PDE1C: variants seen among roughly 807,000 people sequenced by gnomAD.
PDE1C encodes the protein dual specificity calcium/calmodulin-dependent 3',5'-cyclic nucleotide phosphodiesterase 1C.
Under a neutral mutation model 93.1 loss-of-function variants are expected in PDE1C, and 62 were observed. The observed-to-expected ratio is 0.67, with a 90% CI of 0.54 to 0.82. The LOEUF (loss-of-function observed/expected upper bound fraction) is 0.82, where lower values mean the gene tolerates loss of function less well. Ranked by LOEUF, PDE1C falls within the 40% of genes least tolerant of loss-of-function variation. The pLI is 0.00. For missense variants in PDE1C, 742 were observed against 884.6 expected, an observed-to-expected ratio of 0.84 and a Z score of 2.04; for synonymous variants, 325 against 310.1, an observed-to-expected ratio of 1.05 and a Z score of -0.50.
At chr7:31,830,075 C>T (rs1790186456) in intron 11 of PDE1C, among the ~76,000 whole-genome samples, 1 of 152,060 alleles carries the variant, frequency 6.6e-6, no homozygotes, top group Non-Finnish European at 1.5e-5. Flanking sequence ...CTTGTCTATA[C>T]CCAAATATAC....
intron 2 of PDE1C, among the ~76,000 whole-genome samples, chr7:31,983,739 C>T (rs566034672): frequency 1.1e-4 from 17 of 152,320 alleles, no homozygotes; most frequent in African/African-American, 3.8e-4. Context: ...TTTCATGCAA[C>T]ATGAGCATTA....
the PDE1C span, among the ~76,000 whole-genome samples, chr7:31,634,876 C>G: frequency 1.9e-4 from 29 of 152,244 alleles, no homozygotes; most frequent in African/African-American, 7.0e-4. Context: ...GTGGCTCCTT[C>G]GGCATATTGA....
At chr7:32,264,139 C>T (rs779457568) in intron 1 of PDE1C, among the ~76,000 whole-genome samples, 6 of 152,144 alleles carry the variant, frequency 3.9e-5, no homozygotes, top group Non-Finnish European at 8.8e-5. Flanking sequence ...CTCTACAGGT[C>T]ACTAGGGTGC....
At chr7:32,248,607 G>A (rs1293835356) in intron 1 of PDE1C, among the ~76,000 whole-genome samples, 1 of 152,196 alleles carries the variant, frequency 6.6e-6, no homozygotes, top group African/African-American at 2.4e-5. Flanking sequence ...AAGGAGGTGA[G>A]CTCTGCAGAG....
intron 2 of PDE1C, among the ~76,000 whole-genome samples, chr7:31,949,936 C>A (rs937395503): frequency 6.6e-6 from 1 of 152,038 alleles, no homozygotes; most frequent in African/African-American, 2.4e-5. Flanking sequence ...AGCTGGTTTT[C>A]TTATTTTCCT....
At chr7:31,694,701 C>T in the PDE1C span, among the ~76,000 whole-genome samples, 2 of 152,078 alleles carry the variant, frequency 1.3e-5, no homozygotes, top group East Asian at 3.9e-4. Flanking sequence ...CAGTGAAGTC[C>T]AAGGCAGAAC....
intron 1 of PDE1C, among the ~76,000 whole-genome samples, chr7:32,350,098 CTTCTTCCTTCTTCTTT>C (rs908904019): frequency 5.3e-5 from 8 of 151,956 alleles, no homozygotes; most frequent in African/African-American, 1.9e-4. Context: ...TGTTGTTCTT[CTTCTTCCTTCTTCTTT>C]TTCTTCCTTC....
chr7:31,740,408 CTAAG>C, the PDE1C span, among the ~76,000 whole-genome samples: 4 of 152,144 alleles, frequency 2.6e-5, no homozygotes, highest in Non-Finnish European at 5.9e-5. Context: ...TTTGATGAGT[CTAAG>C]TAAGACTTTT....
chr7:32,146,645 C>T (rs956620289), intron 3 of PDE1C, among the ~76,000 whole-genome samples: 1 of 152,126 alleles, frequency 6.6e-6, no homozygotes, highest in African/African-American at 2.4e-5. Context: ...TGTGAGGGAA[C>T]ACACTCACAA....
At chr7:32,344,581 C>T (rs909680636) in intron 1 of PDE1C, among the ~76,000 whole-genome samples, 1 of 152,096 alleles carries the variant, frequency 6.6e-6, no homozygotes, top group African/African-American at 2.4e-5. Context: ...TTCTTTCCCC[C>T]AGATATCACT....
At chr7:31,794,081 C>T (rs10539943) in intron 16 of PDE1C, among the ~76,000 whole-genome samples, 26,559 of 127,828 alleles carry the variant, frequency 0.21, 3,188 homozygotes, top group South Asian at 0.3. Flanking sequence ...GACAGACAGA[C>T]AGACAGACAG....
intron 3 of PDE1C, among the ~76,000 whole-genome samples, chr7:32,136,617 A>T (rs1299753738): frequency 1.3e-5 from 2 of 152,172 alleles, no homozygotes. Context: ...CCTTCCTTGG[A>T]TTTTATACTT....
chr7:31,922,926 A>T (rs1802817529), intron 2 of PDE1C, among the ~76,000 whole-genome samples: 1 of 152,236 alleles, frequency 6.6e-6, no homozygotes, highest in Non-Finnish European at 1.5e-5. Flanking sequence ...CTCCTCTTAG[A>T]ATTGGAAGCC....
chr7:32,038,683 T>C (rs1317929591), intron 2 of PDE1C, among the ~76,000 whole-genome samples: 1 of 152,138 alleles, frequency 6.6e-6, no homozygotes, highest in Non-Finnish European at 1.5e-5. Flanking sequence ...TCTGGTATAA[T>C]TATGCTCCTA....
chr7:31,910,614 G>A (rs60787580), intron 2 of PDE1C, among the ~76,000 whole-genome samples: 4,994 of 152,298 alleles, frequency 0.033, 278 homozygotes, highest in African/African-American at 0.11. Flanking sequence ...GAATACATCT[G>A]TTCTCACGAG....
rs60646988 is a variant in PDE1C at position 32,047,032 on chromosome 7, G to GGTGTGTGTGT, written c.128+4512_128+4521dup. Among the ~76,000 whole-genome samples the GGTGTGTGTGT allele has an allele frequency of 5.0e-3, 751 of 148,792 alleles. 4 individuals carry two copies. The highest frequency in any genetic ancestry group is 0.012 in the African/African-American group (497 of 40,396). On this transcript the variant is annotated intron_variant, in intron 2 of 17. Coordinates refer to ENST00000396191, the MANE Select transcript of PDE1C (RefSeq NM_001191057.4). ...TAATCCCCTATCATACTGAAATAGG[G>GGTGTGTGTGT]GTGTGTGTGTGTGTGTGTGTGCGAG...
rs556665712 is a variant in PDE1C, at chr7:31,863,331, C to CTTTAT, written c.750+1606_750+1610dup. 1.3e-3 allele frequency among the ~76,000 whole-genome samples: 197 copies of CTTTAT among 152,176 alleles called. 5 individuals carry two copies. The highest frequency in any genetic ancestry group is 4.6e-3 in the African/African-American group (190 of 41,520). Reference sequence around the variant, plus strand: ...AGGTATTTTATTTGATCTAAAAGGGCTTTATTTTCTAAAGGAGATGATCAC... The same window carrying CTTTAT: ...AGGTATTTTATTTGATCTAAAAGGGCTTTATTTTATTTTCTAAAGGAGATGATCAC... On this transcript the variant is annotated intron_variant, in intron 7 of 17. Transcript: ENST00000396191.
intron 8 of PDE1C, among the ~76,000 whole-genome samples, chr7:31,849,344 C>T (rs1408858608): frequency 6.6e-6 from 1 of 152,168 alleles, no homozygotes; most frequent in African/African-American, 2.4e-5. Flanking sequence ...GTTCCACCCA[C>T]AGACATACAT....
chr7:31,880,149 A>C lies in PDE1C; in HGVS notation c.242+598T>G, dbSNP rs113880191. ...CCTGTCTAAATTAGGGGGAAAAAAA[A>C]CCACACCTTTCGTATTCAACATTTC... On this transcript the variant is annotated intron_variant, in intron 3 of 17. Coordinates refer to ENST00000396191, the MANE Select transcript of PDE1C (RefSeq NM_001191057.4). Among the ~76,000 whole-genome samples the C allele has an allele frequency of 1.3e-3, 205 of 152,326 alleles. 5 individuals are homozygous for C. The highest frequency in any genetic ancestry group is 4.6e-3 in the African/African-American group (192 of 41,562).
Sources: gnomAD v4.1 joint callset for allele counts (sites outside exome capture counted in the v4.1 genomes callset) on GRCh38, gnomAD v4.1.1 for gene constraint, MANE v1.5 for transcripts, NCBI Gene and HGNC (gene_info 2026-07-23, HGNC 2026-07-21) for gene names.